Variants in NYAP2 observed in about 807,000 individuals in gnomAD.
NYAP2 encodes neuronal tyrosine-phosphorylated phosphoinositide-3-kinase adapter 2.
Under a neutral mutation model 50.4 loss-of-function variants are expected in NYAP2, and 23 were observed. The ratio of observed to expected loss-of-function variants is 0.46; its 90% confidence interval spans 0.33 to 0.65. The LOEUF (loss-of-function observed/expected upper bound fraction) is 0.65, where lower values mean the gene tolerates loss of function less well. NYAP2 is among the 30% of genes least tolerant of loss of function. NYAP2 has a pLI of 0.02. For missense variants in NYAP2, 885 were observed against 861.0 expected (o/e 1.03, Z -0.35); for synonymous variants, 394 against 365.2 (o/e 1.08, Z -0.90).
intron 3 of NYAP2, among the ~76,000 whole-genome samples, chr2:225,487,718 T>C (rs1171954382): frequency 6.6e-6 from 1 of 152,358 alleles, no homozygotes; most frequent in East Asian, 1.9e-4. Context: ...TAGACCAGCT[T>C]TATCCATACA....
intron 3 of NYAP2, among the ~76,000 whole-genome samples, chr2:225,439,706 G>A (rs961026545): frequency 3.3e-5 from 5 of 152,158 alleles, no homozygotes. Flanking sequence ...AATAAGGGAA[G>A]CTAAGCAAAT....
At chr2:225,659,554 T>C in the NYAP2 span, among the ~76,000 whole-genome samples, 2 of 152,186 alleles carry the variant, frequency 1.3e-5, no homozygotes, top group South Asian at 4.1e-4. Flanking sequence ...TGTCAAAGGC[T>C]ATGACATTAA....
chr2:225,514,344 C>T (rs980809194), intron 4 of NYAP2, among the ~76,000 whole-genome samples: 1 of 152,190 alleles, frequency 6.6e-6, no homozygotes, highest in African/African-American at 2.4e-5. Context: ...CCTGAGAATT[C>T]CATGGTGGGA....
chr2:225,441,456 G>T (rs1310098002), intron 3 of NYAP2, among the ~76,000 whole-genome samples: 1 of 152,104 alleles, frequency 6.6e-6, no homozygotes, highest in Non-Finnish European at 1.5e-5. Context: ...TACTGTATTA[G>T]TCCATTTTCA....
intron 4 of NYAP2, among the ~76,000 whole-genome samples, chr2:225,548,714 A>T (rs560825181): frequency 4.6e-5 from 7 of 152,306 alleles, no homozygotes; most frequent in African/African-American, 1.7e-4. Flanking sequence ...ACAATTGACA[A>T]GAAAAAGGTT....
chr2:225,529,987 G>A (rs770630550), intron 4 of NYAP2, among the ~76,000 whole-genome samples: 7 of 150,630 alleles, frequency 4.6e-5, no homozygotes, highest in Admixed American at 2.0e-4. Context: ...GATTGCAGGC[G>A]TGAGCCACCG....
At chr2:225,661,486 G>A in the NYAP2 span, among the ~76,000 whole-genome samples, 1 of 152,140 alleles carries the variant, frequency 6.6e-6, no homozygotes, top group Non-Finnish European at 1.5e-5. Context: ...TTGCCAGAGT[G>A]CTCAGAATGC....
rs753301639 is a variant in NYAP2, at chr2:225,444,504, A to G, written c.221+35403A>G. 5.3e-5 allele frequency among the ~76,000 whole-genome samples: 8 copies of G among 152,338 alleles called. No homozygotes were observed. The South Asian group carries it at 6.2e-4, about 12-fold the overall frequency. ...TGATTTACTGGGTTTATATACACAC[A>G]CATTCACACCACACACACAGACGTG... On this transcript the variant is annotated intron_variant, in intron 3 of 6. Coordinates refer to ENST00000636099, the Ensembl canonical transcript of NYAP2.
chr2:225,423,584 C>G (rs1242283835), intron 3 of NYAP2, among the ~76,000 whole-genome samples: 2 of 152,144 alleles, frequency 1.3e-5, no homozygotes, highest in African/African-American at 4.8e-5. Flanking sequence ...GAGGAATAAA[C>G]AGATCTCTCA....
At chr2:225,650,181 G>A (rs1693706852) in intron 6 of NYAP2, among the ~76,000 whole-genome samples, 1 of 152,182 alleles carries the variant, frequency 6.6e-6, no homozygotes, top group South Asian at 2.1e-4. Flanking sequence ...GGGAGTGGAG[G>A]AGTGGAAGGC....
At position 225,582,599 on chromosome 2, in the gene NYAP2, G is replaced by A; in HGVS notation, c.1182G>A (p.Glu394=). 6.3e-7 allele frequency: 1 copy of A among 1,596,860 alleles called. No homozygotes were observed. The highest frequency in any genetic ancestry group is 8.5e-7 in the Non-Finnish European group (1 of 1,172,426). ...ACGTCCCCGGCCATGCGAAACTGGA[G>A]AAAGAGCAGGCCGCGGCCCTGGGAC... The change falls in exon 5 of 7, where the codon GAG becomes GAA. Residue 394 remains glutamate, a synonymous_variant. Transcript: ENST00000636099. The surrounding 1 kb of genome is among the most constrained non-coding windows in gnomAD (Gnocchi z 7.0).
At chr2:225,638,207 TGAGA>T (rs371320986) in intron 6 of NYAP2, among the ~76,000 whole-genome samples, 2 of 115,576 alleles carry the variant, frequency 1.7e-5, no homozygotes, top group African/African-American at 6.3e-5. Context: ...GGGAGGGGGG[TGAGA>T]GAGAGAGAGA....
the NYAP2 span, among the ~76,000 whole-genome samples, chr2:225,691,357 T>TGTG: frequency 6.6e-6 from 1 of 152,190 alleles, no homozygotes; most frequent in Non-Finnish European, 1.5e-5. Flanking sequence ...ACCATTTGAA[T>TGTG]TTCATGTAAT....
intron 3 of NYAP2, among the ~76,000 whole-genome samples, chr2:225,470,402 C>A (rs1689995328): frequency 6.6e-6 from 1 of 152,132 alleles, no homozygotes; most frequent in Admixed American, 6.5e-5. Context: ...TATTCATGAG[C>A]ACTATATGAA....
chr2:225,513,327 G>A (rs1690866184), intron 3 of NYAP2, 44 bp from the exon 4 acceptor site: 1 of 1,578,380 alleles, frequency 6.3e-7, no homozygotes, highest in Middle Eastern at 1.7e-4. Flanking sequence ...TGTATATCCT[G>A]GCTCCTTTTG....
chr2:225,617,819 G>A lies in NYAP2; in HGVS notation c.1619-9098G>A, dbSNP rs187108431. Reference sequence around the variant, plus strand: ...CCATCTGCAGGGAAACATTGGAGAGGTGGGTATGAGCCAGGGATGGGATTA... The same window carrying A: ...CCATCTGCAGGGAAACATTGGAGAGATGGGTATGAGCCAGGGATGGGATTA... On this transcript the variant is annotated intron_variant, in intron 5 of 6. Transcript: ENST00000636099. Among the ~76,000 whole-genome samples, 5 of 152,296 alleles carry A rather than the reference G, an allele frequency of 3.3e-5. No homozygotes were observed. In the East Asian group the frequency reaches 5.8e-4, roughly 18 times the overall value.
At chr2:225,434,033 T>C (rs1689328392) in intron 3 of NYAP2, among the ~76,000 whole-genome samples, 1 of 152,172 alleles carries the variant, frequency 6.6e-6, no homozygotes, top group Admixed American at 6.5e-5. Flanking sequence ...CAACTGCCCA[T>C]GAGTTTCTTC....
At chr2:225,414,276 C>T (rs907197759) in intron 3 of NYAP2, among the ~76,000 whole-genome samples, 2 of 152,072 alleles carry the variant, frequency 1.3e-5, no homozygotes, top group East Asian at 1.9e-4. Context: ...TTTTTCTTAA[C>T]AGCTTCAAAT....
intron 5 of NYAP2, among the ~76,000 whole-genome samples, chr2:225,605,859 T>G (rs560263958): frequency 6.6e-6 from 1 of 152,110 alleles, no homozygotes; most frequent in South Asian, 2.1e-4. Context: ...ATGCTTTCAT[T>G]TTAAATTAGG....
Sources: allele counts gnomAD v4.1 joint callset (sites outside exome capture counted in the v4.1 genomes callset), GRCh38; gene constraint gnomAD v4.1.1; non-coding constraint Gnocchi (gnomAD v3.1); transcripts MANE v1.5; gene names NCBI Gene and HGNC (gene_info 2026-07-23, HGNC 2026-07-21).